Variants in CASQ2 observed in about 807,000 individuals in gnomAD.
CASQ2 encodes calsequestrin 2.
CASQ2 carries 49 observed loss-of-function variants against 46.5 expected under a neutral mutation model. The ratio of observed to expected loss-of-function variants is 1.05; its 90% CI spans 0.84 to 1.34. CASQ2 has a LOEUF of 1.34. Ranked by LOEUF, CASQ2 falls within the 40% of genes most tolerant of loss-of-function variation. The pLI is 0.00. For synonymous variants in CASQ2, 174 were observed against 168.5 expected, an observed-to-expected ratio of 1.03 and a Z score of -0.25; for missense variants, 486 against 481.3, an observed-to-expected ratio of 1.01 and a Z score of -0.09.
At chr1:115,746,108 C>T (rs1214401503) in intron 1 of CASQ2, among the ~76,000 whole-genome samples, 2 of 151,050 alleles carry the variant, frequency 1.3e-5, no homozygotes, top group African/African-American at 4.9e-5. Context: ...ACTTTTTTCA[C>T]TCAGTGTAAT....
chr1:115,730,652 T>C (rs1557794123), intron 5 of CASQ2, among the ~76,000 whole-genome samples: 1 of 152,202 alleles, frequency 6.6e-6, no homozygotes, highest in Admixed American at 6.5e-5. Flanking sequence ...GCTTCATAAT[T>C]TTTGCTGTCT....
chr1:115,763,934 T>A (rs1170012069), intron 1 of CASQ2, among the ~76,000 whole-genome samples: 1 of 152,108 alleles, frequency 6.6e-6, no homozygotes, highest in Non-Finnish European at 1.5e-5. Flanking sequence ...CCATGTCCTC[T>A]GTCTCTGAGT....
chr1:115,709,060 GCT>G (rs1473210457), intron 8 of CASQ2, among the ~76,000 whole-genome samples: 3 of 152,182 alleles, frequency 2.0e-5, no homozygotes, highest in Admixed American at 2.0e-4. Flanking sequence ...AGCCTCCAAG[GCT>G]CTCCCCTCTT....
At position 115,726,423 on chromosome 1, in the gene CASQ2, C is replaced by T. The variant is rs6661469; in HGVS notation, c.737+569G>A. On this transcript the variant is annotated intron_variant, in intron 6 of 10. Coordinates refer to ENST00000261448, the MANE Select transcript of CASQ2 (RefSeq NM_001232.4). ...GCCGCAGTTAAGTAGTTGCTACAGA[C>T]GCCATCTGGCCCACAGAACCTGAAA... Among the ~76,000 whole-genome samples the T allele has an allele frequency of 7.0e-3, 1,060 of 152,306 alleles. 10 individuals are homozygous for T. The highest frequency in any genetic ancestry group is 0.014 in the East Asian group (73 of 5,182).
At chr1:115,758,145 AG>A (rs1393425616) in intron 1 of CASQ2, among the ~76,000 whole-genome samples, 1 of 152,228 alleles carries the variant, frequency 6.6e-6, no homozygotes, top group Non-Finnish European at 1.5e-5. Flanking sequence ...GCATACTGGA[AG>A]GGACATGTCA....
At chr1:115,716,722 C>T (rs902537418) in intron 8 of CASQ2, among the ~76,000 whole-genome samples, 10 of 152,226 alleles carry the variant, frequency 6.6e-5, no homozygotes, top group African/African-American at 2.4e-4. Context: ...CGCTAGGCTT[C>T]CCACACCATC....
At chr1:115,758,186 C>T (rs1468727437) in intron 1 of CASQ2, among the ~76,000 whole-genome samples, 1 of 152,264 alleles carries the variant, frequency 6.6e-6, no homozygotes, top group Non-Finnish European at 1.5e-5. Context: ...GGTTCAAACT[C>T]TGCTTCACAA....
chr1:115,768,329 T>G lies in CASQ2; in HGVS notation c.213A>C (p.Gln71His), dbSNP rs749547074. ...TTACCTCAAGCACGATTTCTTTCAG[T>G]TGGAACTGTTTTTGCGTGACCTTAT... ...SSDKVTQKQF[Q>H]LKEIVLELVA... is the part of the protein sequence containing the mutation. The change falls in exon 1 of 11, where the codon CAA becomes CAC. Residue 71 changes from glutamine (Q) to histidine (H), a missense_variant. Transcript: ENST00000261448. The G allele has an allele frequency of 1.2e-5, 19 of 1,613,024 alleles. No homozygotes were observed. Among genetic ancestry groups the G allele is most frequent in the Non-Finnish European group, 1.6e-5 (19 of 1,179,018 alleles).
chr1:115,721,817 C>CA (rs1181234876), intron 7 of CASQ2, among the ~76,000 whole-genome samples: 1 of 152,160 alleles, frequency 6.6e-6, no homozygotes, highest in African/African-American at 2.4e-5. Context: ...ACGATCTGCC[C>CA]ACCTCAGCCT....
intron 2 of CASQ2, among the ~76,000 whole-genome samples, chr1:115,741,212 C>T (rs905771832): frequency 8.5e-5 from 13 of 152,212 alleles, no homozygotes; most frequent in African/African-American, 3.1e-4. Context: ...CAAATCTATC[C>T]CTTTCATTCT....
intron 7 of CASQ2, among the ~76,000 whole-genome samples, chr1:115,718,360 C>A (rs1381340058): frequency 1.3e-5 from 2 of 152,174 alleles, no homozygotes; most frequent in African/African-American, 4.8e-5. Flanking sequence ...CAGTGATACA[C>A]CAGATTATGG....
chr1:115,712,873 G>A (rs1189859190), intron 8 of CASQ2, among the ~76,000 whole-genome samples: 32 of 142,624 alleles, frequency 2.2e-4, no homozygotes, highest in African/African-American at 3.3e-4. Context: ...AAAAAAGAAA[G>A]AAAGAAAGAA....
intron 1 of CASQ2, among the ~76,000 whole-genome samples, chr1:115,751,743 G>A (rs1294319863): frequency 2.6e-5 from 4 of 152,130 alleles, no homozygotes; most frequent in Non-Finnish European, 5.9e-5. Context: ...GACTTAGAGA[G>A]TTTGTGGGCT....
rs563342580 is a variant in CASQ2 at position 115,701,066 on chromosome 1, A to C, written c.*175T>G. The C allele has an allele frequency of 3.4e-4, 312 of 920,844 alleles. 1 individual carries two copies. The highest frequency in any genetic ancestry group is 3.4e-3 in the South Asian group (241 of 71,628). 57.0% of individuals were successfully genotyped at this position (920,844 alleles called of 1,614,324 possible). On this transcript the variant is annotated 3_prime_UTR_variant, in exon 11 of 11. Coordinates refer to ENST00000261448, the MANE Select transcript of CASQ2 (RefSeq NM_001232.4). Reference sequence around the variant, plus strand: ...CTGCTAAGTGGGATTGCTGCATTTGAAAAGGCATTTGCTGAATGATGCTGC... The same window carrying C: ...CTGCTAAGTGGGATTGCTGCATTTGCAAAGGCATTTGCTGAATGATGCTGC...
At chr1:115,703,094 T>A in intron 9 of CASQ2, 99 bp from the exon 10 acceptor site, 1 of 919,720 alleles carries the variant, frequency 1.1e-6, no homozygotes, top group Non-Finnish European at 1.7e-6. Context: ...CACCATTGGT[T>A]AAAGGTCTTC....
chr1:115,766,912 TAGATAGAA>T (rs772027027), intron 1 of CASQ2, among the ~76,000 whole-genome samples: 1 of 141,542 alleles, frequency 7.1e-6, no homozygotes, highest in African/African-American at 2.5e-5. Context: ...GATAGATAGA[TAGATAGAA>T]GGATGATAGA....
At chr1:115,706,046 C>T (rs546511136) in intron 8 of CASQ2, among the ~76,000 whole-genome samples, 1 of 152,328 alleles carries the variant, frequency 6.6e-6, no homozygotes, top group East Asian at 1.9e-4. Flanking sequence ...ATAGCATACT[C>T]TCAACCCTCA....
At chr1:115,751,395 C>G (rs1330573925) in intron 1 of CASQ2, among the ~76,000 whole-genome samples, 1 of 149,492 alleles carries the variant, frequency 6.7e-6, no homozygotes, top group African/African-American at 2.5e-5. Flanking sequence ...TAGGGCCGGG[C>G]GCGGTGGCTC....
chr1:115,705,330 C>G, intron 8 of CASQ2, 38 bp from the exon 9 acceptor site: 1 of 1,301,816 alleles, frequency 7.7e-7, no homozygotes, highest in South Asian at 1.2e-5. Context: ...AACCCCTGCA[C>G]ATACACAGCT....
Sources: allele counts gnomAD v4.1 joint callset (sites outside exome capture counted in the v4.1 genomes callset), GRCh38; gene constraint gnomAD v4.1.1; transcripts MANE v1.5; gene names NCBI Gene and HGNC (gene_info 2026-07-23, HGNC 2026-07-21).